KAZN: variants seen among roughly 807,000 people sequenced by gnomAD.
The protein encoded by KAZN is kazrin.
In KAZN, 40 loss-of-function variants were observed where a neutral mutation model predicts 87.4. The observed-to-expected ratio is 0.46, with a 90% CI of 0.36 to 0.60. The LOEUF is 0.60. Among genes scored for constraint, KAZN ranks in the 20% least tolerant of loss-of-function variants. The probability of loss-of-function intolerance (pLI) is 0.00; values close to 1 mark genes in which losing one functional copy is unlikely to be tolerated. For synonymous variants in KAZN, 466 were observed against 458.3 expected, an observed-to-expected ratio of 1.02 and a Z score of -0.22; for missense variants, 898 against 1,073.9, an observed-to-expected ratio of 0.84 and a Z score of 2.29.
At chr1:14,421,463 G>C (rs1040511007) in intron 2 of KAZN, among the ~76,000 whole-genome samples, 4 of 152,124 alleles carry the variant, frequency 2.6e-5, no homozygotes, top group African/African-American at 9.7e-5. Context: ...TCCCTGATTA[G>C]GGCTTGGAAT....
intron 1 of KAZN, among the ~76,000 whole-genome samples, chr1:14,770,880 T>C (rs1557471776): frequency 6.6e-6 from 1 of 152,108 alleles, no homozygotes; most frequent in African/African-American, 2.4e-5. Flanking sequence ...GAAGCAGGAA[T>C]TAACTTTGAG....
At position 14,931,261 on chromosome 1, in the gene KAZN, AC is replaced by A. The variant is rs534005891; in HGVS notation, c.227-29419del. On this transcript the variant is annotated intron_variant, in intron 1 of 14. Coordinates refer to ENST00000376030, the MANE Select transcript of KAZN (RefSeq NM_201628.3). ...GGACCAGCCTGGGCAACATGGTGAAACCCCATCTCTACTAAAAAAAAAAAAT... is the reference window on the plus strand; with the variant it reads ...GGACCAGCCTGGGCAACATGGTGAAACCCATCTCTACTAAAAAAAAAAAAT... Among the ~76,000 whole-genome samples the A allele has an allele frequency of 8.0e-5, 12 of 150,638 alleles. 1 individual carries two copies. The South Asian group carries it at 2.4e-3, about 30-fold the overall frequency.
intron 1 of KAZN, among the ~76,000 whole-genome samples, chr1:14,733,953 G>A (rs1199857626): frequency 6.6e-6 from 1 of 152,192 alleles, no homozygotes; most frequent in Non-Finnish European, 1.5e-5. Context: ...CCATAGGGCT[G>A]CGCACAGCTC....
chr1:14,498,502 G>A (rs922312610), intron 2 of KAZN, among the ~76,000 whole-genome samples: 1 of 152,112 alleles, frequency 6.6e-6, no homozygotes, highest in Non-Finnish European at 1.5e-5. Context: ...GACCAGCCTG[G>A]CCAACATGGT....
intron 1 of KAZN, among the ~76,000 whole-genome samples, chr1:14,847,670 CA>C (rs1438250880): frequency 2.5e-4 from 38 of 152,324 alleles, no homozygotes; most frequent in African/African-American, 8.9e-4. Context: ...TTCAGTGCAG[CA>C]TTCCCAGTGC....
At position 15,081,861 on chromosome 1, in the gene KAZN, T is replaced by C. The variant is rs1237789705; in HGVS notation, c.1223-12319T>C. ...CGGCCTGTGGGTCACAGCAAGGACC[T>C]TGGGCTTTACCAGGGAGCCATTGAA... On this transcript the variant is annotated intron_variant, in intron 8 of 14. Coordinates refer to ENST00000376030, the MANE Select transcript of KAZN (RefSeq NM_201628.3). This position sits in a 1 kb window ranked among gnomAD's most constrained non-coding sequence, Gnocchi z 4.1. 6.6e-6 allele frequency among the ~76,000 whole-genome samples: 1 copy of C among 152,128 alleles called. No individual in the cohort carries two copies.
chr1:14,366,852 G>C (rs1380409387), intron 2 of KAZN, among the ~76,000 whole-genome samples: 1 of 152,188 alleles, frequency 6.6e-6, no homozygotes, highest in Non-Finnish European at 1.5e-5. Context: ...TGCACCCCTG[G>C]TACCCAAGCT....
At chr1:15,084,390 G>T (rs1448628832) in intron 8 of KAZN, among the ~76,000 whole-genome samples, 1 of 152,170 alleles carries the variant, frequency 6.6e-6, no homozygotes, top group African/African-American at 2.4e-5. Flanking sequence ...AGACATATTC[G>T]GAAGGGCCTC....
In KAZN at chr1:13,951,623, G is replaced by GATAATA. The variant is rs6143132; in HGVS notation, c.91+57910_91+57915dup. The stretch of plus-strand genomic sequence containing the variant: ...CTTAGAATCTTAGCTCTAAAATGGA[G>GATAATA]ATAATAATAATAATAATAATAATAA... On this transcript the variant is annotated intron_variant, in intron 1 of 16. Transcript: ENST00000636203. Among the ~76,000 whole-genome samples, 359 of 148,490 alleles carry GATAATA rather than the reference G, an allele frequency of 2.4e-3. 3 individuals are homozygous for GATAATA. Among genetic ancestry groups the GATAATA allele is most frequent in the East Asian group, 9.2e-3 (46 of 5,008 alleles).
chr1:14,628,374 G>A (rs1307025874), intron 1 of KAZN, among the ~76,000 whole-genome samples: 3 of 152,204 alleles, frequency 2.0e-5, no homozygotes, highest in African/African-American at 4.8e-5. Flanking sequence ...TTTGGGGCCT[G>A]TAAATTAGGC....
intron 2 of KAZN, among the ~76,000 whole-genome samples, chr1:14,553,254 G>C (rs1013920171): frequency 2.6e-5 from 4 of 152,252 alleles, no homozygotes; most frequent in African/African-American, 9.6e-5. Context: ...GTGCACACTT[G>C]TAATCCCAGC....
chr1:13,942,565 AAAAAAAATGTAT>A (rs1640976107), intron 1 of KAZN, among the ~76,000 whole-genome samples: 2 of 145,180 alleles, frequency 1.4e-5, no homozygotes, highest in South Asian at 2.2e-4. Context: ...AAAAAAAAAA[AAAAAAAATGTAT>A]ATATATAATT....
chr1:14,900,709 G>A (rs1655774518), intron 1 of KAZN, among the ~76,000 whole-genome samples: 1 of 149,958 alleles, frequency 6.7e-6, no homozygotes, highest in East Asian at 2.0e-4. Flanking sequence ...AGCCGAGATC[G>A]CGCCACTGCA....
chr1:14,381,471 G>A (rs905131344), intron 2 of KAZN, among the ~76,000 whole-genome samples: 6 of 152,104 alleles, frequency 3.9e-5, no homozygotes, highest in African/African-American at 1.4e-4. Flanking sequence ...TAAAAAGACT[G>A]TTCATTATGA....
At chr1:14,829,979 C>A (rs978051311) in intron 1 of KAZN, among the ~76,000 whole-genome samples, 7 of 152,216 alleles carry the variant, frequency 4.6e-5, no homozygotes, top group Non-Finnish European at 8.8e-5. Flanking sequence ...AACACATGAG[C>A]CTTCTTTGTG....
chr1:14,449,511 G>A (rs962163353), intron 2 of KAZN, among the ~76,000 whole-genome samples: 7 of 152,162 alleles, frequency 4.6e-5, no homozygotes, highest in African/African-American at 1.7e-4. Flanking sequence ...CTGGGCAGCA[G>A]GAATAGGAAT....
chr1:14,901,355 TAAG>T (rs1444694106), intron 1 of KAZN, among the ~76,000 whole-genome samples: 2 of 151,604 alleles, frequency 1.3e-5, no homozygotes, highest in African/African-American at 4.9e-5. Context: ...AAATCGAAAA[TAAG>T]AAAGGATGGA....
chr1:14,948,335 G>A (rs988795025), intron 1 of KAZN, among the ~76,000 whole-genome samples: 1 of 152,148 alleles, frequency 6.6e-6, no homozygotes, highest in Non-Finnish European at 1.5e-5. Flanking sequence ...GGTCTCATTG[G>A]CTCCTCCCCT....
chr1:15,101,694 C>T lies in KAZN; in HGVS notation c.1699C>T (p.Leu567=), dbSNP rs1330364702. ...GATGAAGCGAGACCTGGAGAAGCAC[C>T]TGAACGTGTCCAAGAAGTTCCACCA... The part of the protein sequence containing the change: ...SLMKRDLEKH[L]NVSKKFHQVS... The change falls in exon 11 of 15, where the codon CTG becomes TTG. Residue 567 remains leucine (L), a synonymous_variant. Transcript: ENST00000376030. 2 of 1,595,748 alleles carry T rather than the reference C, an allele frequency of 1.3e-6. No individual in the cohort carries two copies. Among genetic ancestry groups the T allele is most frequent in the Admixed American group, 3.5e-5 (2 of 57,838 alleles).
Sources: gnomAD v4.1 joint callset for allele counts (sites outside exome capture counted in the v4.1 genomes callset) on GRCh38, gnomAD v4.1.1 for gene constraint, Gnocchi (gnomAD v3.1) non-coding constraint, MANE v1.5 for transcripts, NCBI Gene and HGNC (gene_info 2026-07-23, HGNC 2026-07-21) for gene names.